The following FAT3 variants were observed in gnomAD, a reference collection of about 807,000 sequenced individuals.
FAT3 encodes protocadherin Fat 3.
Under a neutral mutation model 310.2 loss-of-function variants are expected in FAT3, and 95 were observed. The ratio of observed to expected loss-of-function variants is 0.31; its 90% confidence interval spans 0.26 to 0.36. The LOEUF is 0.36. FAT3 is among the 10% of genes least tolerant of loss of function. The probability of loss-of-function intolerance (pLI) is 1.00; values close to 1 mark genes in which losing one functional copy is unlikely to be tolerated. For missense variants in FAT3, 5,408 were observed against 5,715.6 expected (o/e 0.95, Z 1.74); for synonymous variants, 2,314 against 2,192.9 (o/e 1.06, Z -1.54).
intron 2 of FAT3, among the ~76,000 whole-genome samples, chr11:92,463,230 A>T (rs1951678828): frequency 6.6e-6 from 1 of 152,200 alleles, no homozygotes; most frequent in Admixed American, 6.6e-5. Flanking sequence ...CTTGACTATA[A>T]TTGCTGGCAT....
At chr11:92,240,569 AC>A (rs5793589) in intron 1 of FAT3, among the ~76,000 whole-genome samples, 12,568 of 141,034 alleles carry the variant, frequency 0.089, 596 homozygotes, top group African/African-American at 0.12. Context: ...ACAAAATGAA[AC>A]CCCCCCAAAA....
intron 2 of FAT3, among the ~76,000 whole-genome samples, chr11:92,481,120 A>G (rs184670923): frequency 1.1e-3 from 162 of 152,326 alleles, no homozygotes; most frequent in African/African-American, 3.5e-3. Flanking sequence ...TTAATTCAGT[A>G]TTTGTCCAAT....
chr11:92,369,953 G>A (rs1308479913), intron 2 of FAT3, among the ~76,000 whole-genome samples: 3 of 152,124 alleles, frequency 2.0e-5, no homozygotes, highest in African/African-American at 7.2e-5. Context: ...TTTTTCTTGG[G>A]CCTACTCCTT....
intron 3 of FAT3, among the ~76,000 whole-genome samples, chr11:92,589,198 T>G (rs909481109): frequency 4.6e-5 from 7 of 152,082 alleles, no homozygotes; most frequent in African/African-American, 1.7e-4. Flanking sequence ...GCTTGACTTT[T>G]ACATTGGAAG....
At chr11:92,835,137 A>G (rs1948372953) in intron 15 of FAT3, 53 bp downstream of exon 15, 17 of 1,475,534 alleles carry the variant, frequency 1.2e-5, no homozygotes, top group East Asian at 2.3e-5. Context: ...AGTCATCCAC[A>G]ATAAAGTGAA....
Position 92,768,646 on chromosome 11 carries a change from G to A in FAT3, c.4195+3557G>A, listed in dbSNP as rs147619327. 8.5e-5 allele frequency among the ~76,000 whole-genome samples: 13 copies of A among 152,206 alleles called. No individual in the cohort carries two copies. In the East Asian group the frequency reaches 1.7e-3, roughly 20 times the overall value. On this transcript the variant is annotated intron_variant, in intron 6 of 27. Transcript: ENST00000525166. ...CTCTGTTCCCTTCCTCCTTACGTAA[G>A]CATCTTTTTTGGCCAAGCTAACATA...
At chr11:92,629,336 T>G (rs1353457447) in intron 3 of FAT3, among the ~76,000 whole-genome samples, 1 of 152,088 alleles carries the variant, frequency 6.6e-6, no homozygotes, top group Non-Finnish European at 1.5e-5. Context: ...TCTTTCTATG[T>G]GCTAAGCAGT....
intron 3 of FAT3, among the ~76,000 whole-genome samples, chr11:92,593,256 G>C (rs1488193949): frequency 6.6e-6 from 1 of 151,992 alleles, no homozygotes; most frequent in Non-Finnish European, 1.5e-5. Context: ...TGTGAATAAT[G>C]CTGCTGTGAA....
chr11:92,685,147 T>C (rs760997273), intron 3 of FAT3, among the ~76,000 whole-genome samples: 40 of 152,352 alleles, frequency 2.6e-4, no homozygotes, highest in Non-Finnish European at 4.7e-4. Context: ...TCTGATAGGT[T>C]ATCAATCCCT....
At position 92,798,211 on chromosome 11, in the gene FAT3, G is replaced by A. The variant is rs150673105; in HGVS notation, c.5198G>A (p.Arg1733His). ...ACTCAGAAGGCCCTGGATTATGAGC[G>A]CACATCCTCTTATCAACTCATCATT... ...ITTQKALDYE[R>H]TSSYQLIIQA... The change falls in exon 10 of 28, where the codon CGC (arginine) becomes CAC (histidine). Residue 1733 changes from arginine to histidine, a missense_variant. Arg to His is a conservative substitution (Grantham distance 29). Transcript: ENST00000525166. 1,308 of 1,613,888 alleles carry A rather than the reference G, an allele frequency of 8.1e-4. 6 individuals are homozygous for A. The African/African-American group carries it at 0.01, about 13-fold the overall frequency.
chr11:92,562,277 A>G (rs1176093463), intron 3 of FAT3, among the ~76,000 whole-genome samples: 2 of 152,158 alleles, frequency 1.3e-5, no homozygotes, highest in Admixed American at 6.6e-5. Context: ...ACTTCCTACC[A>G]TATAGAATGG....
chr11:92,338,166 C>T (rs1591130487), intron 1 of FAT3, among the ~76,000 whole-genome samples: 3 of 152,324 alleles, frequency 2.0e-5, no homozygotes, highest in African/African-American at 7.2e-5. Context: ...TAAACATCTG[C>T]TGTGGATGCT....
intron 1 of FAT3, among the ~76,000 whole-genome samples, chr11:92,306,363 T>C (rs1167508481): frequency 2.0e-5 from 3 of 150,154 alleles, no homozygotes; most frequent in African/African-American, 7.4e-5. Context: ...GTGCTCTTAG[T>C]AGAGTCCTAG....
chr11:92,459,098 GTGCAATCCTCATCCATCC>G (rs1951572836), intron 2 of FAT3, among the ~76,000 whole-genome samples: 1 of 152,186 alleles, frequency 6.6e-6, no homozygotes, highest in African/African-American at 2.4e-5. Flanking sequence ...GCCTGCTGGG[GTGCAATCCTCATCCATCC>G]TTTGGCAGTA....
At chr11:92,237,668 T>C (rs754427326) in intron 1 of FAT3, among the ~76,000 whole-genome samples, 2 of 152,130 alleles carry the variant, frequency 1.3e-5, no homozygotes, top group Non-Finnish European at 2.9e-5. Context: ...AATGGTGACC[T>C]GAAATAGTGT....
At chr11:92,806,324 T>C (rs1160589509) in intron 11 of FAT3, 38 bp from the exon 12 acceptor site, 2 of 1,554,764 alleles carry the variant, frequency 1.3e-6, no homozygotes, top group Non-Finnish European at 1.7e-6. Flanking sequence ...CCCCCACAAA[T>C]ACTAATGATT....
intron 3 of FAT3, among the ~76,000 whole-genome samples, chr11:92,527,921 T>C (rs961851509): frequency 1.3e-5 from 2 of 152,246 alleles, no homozygotes; most frequent in Non-Finnish European, 2.9e-5. Flanking sequence ...TTTTCTCAAA[T>C]GGATGTTGAC....
intron 3 of FAT3, among the ~76,000 whole-genome samples, chr11:92,618,760 C>T (rs536967): frequency 0.56 from 85,302 of 151,816 alleles, 25,356 homozygotes; most frequent in African/African-American, 0.76. Context: ...TCCTAAGGGT[C>T]TTCTATATAC....
At chr11:92,402,836 T>A (rs1474202423) in intron 2 of FAT3, among the ~76,000 whole-genome samples, 7 of 131,686 alleles carry the variant, frequency 5.3e-5, no homozygotes, top group African/African-American at 5.7e-5. Flanking sequence ...AGAATAAGTA[T>A]CAAAAACCAA....
Sources: gnomAD v4.1 joint callset for allele counts (sites outside exome capture counted in the v4.1 genomes callset) on GRCh38, gnomAD v4.1.1 for gene constraint, MANE v1.5 for transcripts, NCBI Gene and HGNC (gene_info 2026-07-23, HGNC 2026-07-21) for gene names.